Variants in DHX35 observed in about 807,000 individuals in gnomAD.
The protein encoded by DHX35 is probable ATP-dependent RNA helicase DHX35.
A neutral mutation model predicts 99.6 loss-of-function variants in DHX35; 84 were observed. The observed-to-expected ratio is 0.84, with a 90% CI of 0.71 to 1.01. DHX35 has a LOEUF of 1.01. Among genes scored for constraint, DHX35 ranks in the 50% least tolerant of loss-of-function variants. The pLI is 0.00. For missense variants in DHX35, 852 were observed against 888.5 expected (o/e 0.96, Z 0.52); for synonymous variants, 331 against 316.2 (o/e 1.05, Z -0.50).
At chr20:39,006,497 C>T in intron 12 of DHX35, 141 bp downstream of exon 12, 1 of 874,186 alleles carries the variant, frequency 1.1e-6, no homozygotes, top group Non-Finnish European at 1.7e-6. Flanking sequence ...ATCAGATCCC[C>T]ACTGCTTTCC....
At chr20:39,019,697 A>G (rs184412514) in intron 15 of DHX35, among the ~76,000 whole-genome samples, 6 of 152,078 alleles carry the variant, frequency 3.9e-5, no homozygotes, top group Admixed American at 3.9e-4. Flanking sequence ...CCAACTTATC[A>G]TTTTTTTTGT....
intron 10 of DHX35, 78 bp from the exon 11 acceptor site, chr20:39,003,671 T>C: frequency 6.6e-7 from 1 of 1,520,968 alleles, no homozygotes; most frequent in Admixed American, 2.0e-5. Context: ...ATCCCAACTT[T>C]TATTTTCTTT....
chr20:38,989,545 C>G (rs2086305798), intron 5 of DHX35, among the ~76,000 whole-genome samples: 2 of 151,996 alleles, frequency 1.3e-5, no homozygotes, highest in Admixed American at 6.6e-5. Flanking sequence ...ATATTATATG[C>G]CAATCAGTGA....
At chr20:38,977,805 CTTGGTG>C (rs1402044745) in intron 3 of DHX35, 14 of 520,636 alleles carry the variant, frequency 2.7e-5, no homozygotes, top group Non-Finnish European at 4.4e-5. Context: ...TCCTTTTGAT[CTTGGTG>C]TTGGTGGTAT....
chr20:38,972,444 C>T, intron 2 of DHX35, 115 bp from the exon 3 acceptor site: 1 of 667,976 alleles, frequency 1.5e-6, no homozygotes, highest in East Asian at 2.7e-5. Flanking sequence ...TTTGATAGTT[C>T]TACTTAAAAT....
chr20:38,976,087 G>C (rs2086071247), intron 3 of DHX35, among the ~76,000 whole-genome samples: 1 of 152,168 alleles, frequency 6.6e-6, no homozygotes, highest in Non-Finnish European at 1.5e-5. Flanking sequence ...AAGAGCAGAG[G>C]CTGAGGATCT....
At chr20:38,982,564 A>T (rs1400182232) in intron 3 of DHX35, among the ~76,000 whole-genome samples, 1 of 152,218 alleles carries the variant, frequency 6.6e-6, no homozygotes, top group Non-Finnish European at 1.5e-5. Context: ...TGATTCTCAG[A>T]GTCAGAGCTA....
chr20:39,023,683 T>A lies in DHX35; in HGVS notation c.1594-7T>A. ...TGAAATTCTGAATGTTGCTTCATTC[T>A]TTCCAGATTCGAGTGCACCGTAAAT... On this transcript the variant is annotated splice_region_variant and splice_polypyrimidine_tract_variant and intron_variant, in intron 16 of 21. Coordinates refer to ENST00000252011, the MANE Select transcript of DHX35 (RefSeq NM_021931.4). 6.2e-7 allele frequency: 1 copy of A among 1,613,796 alleles called. No individual in the cohort carries two copies. Among genetic ancestry groups the A allele is most frequent in the Non-Finnish European group, 8.5e-7 (1 of 1,179,710 alleles).
chr20:38,962,380 G>A lies in DHX35; in HGVS notation c.13G>A (p.Val5Met), dbSNP rs777062738. The A allele has an allele frequency of 1.2e-6, 2 of 1,612,790 alleles. No homozygotes were observed. Among genetic ancestry groups the A allele is most frequent in the South Asian group, 1.1e-5 (1 of 90,900 alleles). ...CTTTTACCCCAACATGGCTGCGCCC[G>A]TGGGACCGGTGAAGTTCTGGCGACC... The part of the protein sequence containing the change: MAAP[V>M]GPVKFWRPGT... The change falls in exon 1 of 22, where the codon GTG (valine) becomes ATG (methionine). Residue 5 changes from valine to methionine, a missense_variant. Val to Met is a conservative substitution (Grantham distance 21). Coordinates refer to ENST00000252011, the MANE Select transcript of DHX35 (RefSeq NM_021931.4).
intron 4 of DHX35, among the ~76,000 whole-genome samples, chr20:38,986,570 A>G (rs1326345861): frequency 6.6e-6 from 1 of 152,116 alleles, no homozygotes; most frequent in Non-Finnish European, 1.5e-5. Context: ...ATGTATGCTC[A>G]TTCTTATAAG....
chr20:39,006,448 T>A, intron 12 of DHX35, 92 bp downstream of exon 12: 2 of 1,370,574 alleles, frequency 1.5e-6, no homozygotes, highest in Non-Finnish European at 2.0e-6. Context: ...TGGTAGAACT[T>A]AACATAAAAT....
At chr20:38,996,562 A>G (rs1392748010) in intron 8 of DHX35, among the ~76,000 whole-genome samples, 1 of 152,192 alleles carries the variant, frequency 6.6e-6, no homozygotes, top group Non-Finnish European at 1.5e-5. Context: ...AGTGCTGTGT[A>G]TAGGAGATGA....
intron 14 of DHX35, among the ~76,000 whole-genome samples, chr20:39,015,913 ATC>A (rs1399195808): frequency 6.6e-6 from 1 of 152,086 alleles, no homozygotes; most frequent in Non-Finnish European, 1.5e-5. Flanking sequence ...GAGAGTTTTT[ATC>A]TCTATAGGTG....
chr20:39,001,836 T>C lies in DHX35; in HGVS notation c.749T>C (p.Leu250Pro). The C allele has an allele frequency of 4.4e-6, 7 of 1,608,546 alleles. No individual in the cohort carries two copies. The highest frequency in any genetic ancestry group is 6.0e-6 in the Non-Finnish European group (7 of 1,175,436). The part of the protein sequence containing the change: ...GRTFPVDIFY[L>P]QSPVPDYIKS... ...ACATTTCCGGTGGATATCTTTTATC[T>C]ACAAAGGTTTGATGATGCTTGAATT... The change falls in exon 9 of 22, where the codon CTA becomes CCA. Residue 250 changes from leucine (L) to proline (P), a missense_variant. By Grantham distance (98) the Leu-to-Pro change is moderately conservative. Coordinates refer to ENST00000252011, the MANE Select transcript of DHX35 (RefSeq NM_021931.4).
intron 21 of DHX35, among the ~76,000 whole-genome samples, chr20:39,035,056 C>T (rs1311631545): frequency 6.7e-6 from 1 of 148,220 alleles, no homozygotes; most frequent in Non-Finnish European, 1.5e-5. Context: ...CACCATGCCA[C>T]CAGTTCGTTT....
chr20:38,968,048 A>G (rs2085935424), intron 1 of DHX35, among the ~76,000 whole-genome samples: 1 of 152,202 alleles, frequency 6.6e-6, no homozygotes, highest in Admixed American at 6.5e-5. Context: ...ACTGAGAGGA[A>G]GAATTAAAAA....
At chr20:39,038,398 C>T (rs2087190664) in intron 21 of DHX35, 101 bp from the exon 22 acceptor site, 2 of 1,298,202 alleles carry the variant, frequency 1.5e-6, no homozygotes, top group Admixed American at 3.7e-5. Context: ...AGGTGTGGAC[C>T]AGATGGAAGA....
intron 15 of DHX35, among the ~76,000 whole-genome samples, chr20:39,019,972 G>A (rs1056632273): frequency 6.6e-6 from 1 of 152,118 alleles, no homozygotes; most frequent in Non-Finnish European, 1.5e-5. Context: ...CCATATATGA[G>A]TGAGATCATA....
At chr20:39,002,692 T>A (rs1461825250) in intron 9 of DHX35, 80 bp from the exon 10 acceptor site, 2 of 1,300,204 alleles carry the variant, frequency 1.5e-6, no homozygotes, top group Non-Finnish European at 2.2e-6. Flanking sequence ...TGATGAGCTT[T>A]GCTGCCAGAT....
Sources: allele counts gnomAD v4.1 joint callset (sites outside exome capture counted in the v4.1 genomes callset), GRCh38; gene constraint gnomAD v4.1.1; transcripts MANE v1.5; gene names NCBI Gene and HGNC (gene_info 2026-07-23, HGNC 2026-07-21).